Variants in PAPPA2 observed in about 807,000 individuals in gnomAD.
PAPPA2 encodes the protein pappalysin-2.
PAPPA2 carries 86 observed loss-of-function variants against 176.4 expected under a neutral mutation model. That is an observed-to-expected ratio of 0.49 (90% CI 0.41 to 0.58). PAPPA2 has a LOEUF of 0.58. Among genes scored for constraint, PAPPA2 ranks in the 20% least tolerant of loss-of-function variants. The pLI is 0.00. For missense variants in PAPPA2, 2,073 were observed against 2,256.9 expected (o/e 0.92, Z 1.65); for synonymous variants, 809 against 852.2 (o/e 0.95, Z 0.88).
intron 15 of PAPPA2, 117 bp from the exon 16 acceptor site, chr1:176,769,490 A>T (rs1481309089): frequency 1.8e-6 from 2 of 1,108,322 alleles, no homozygotes; most frequent in African/African-American, 3.2e-5. Context: ...AAGGCAAAAT[A>T]ATTTGTCCCG....
intron 3 of PAPPA2, among the ~76,000 whole-genome samples, chr1:176,598,937 A>C (rs1390530525): frequency 6.6e-6 from 1 of 152,168 alleles, no homozygotes; most frequent in Non-Finnish European, 1.5e-5. Flanking sequence ...AAACATCCTC[A>C]AGCAAATTTC....
At chr1:176,798,723 A>T (rs943793904) in intron 20 of PAPPA2, among the ~76,000 whole-genome samples, 1 of 152,218 alleles carries the variant, frequency 6.6e-6, no homozygotes, top group Non-Finnish European at 1.5e-5. Flanking sequence ...CTTTTTCAGT[A>T]GGCTGAACAC....
intron 6 of PAPPA2, 96 bp downstream of exon 6, chr1:176,692,414 T>C: frequency 7.8e-7 from 1 of 1,284,176 alleles, no homozygotes; most frequent in Non-Finnish European, 1.1e-6. Context: ...AACTCCAATT[T>C]GGAAGTATAA....
intron 2 of PAPPA2, among the ~76,000 whole-genome samples, chr1:176,577,878 G>A (rs756403865): frequency 2.0e-5 from 3 of 152,010 alleles, no homozygotes; most frequent in Non-Finnish European, 4.4e-5. Flanking sequence ...AAACAAACTT[G>A]CACCACACAG....
At chr1:176,584,890 C>G (rs189348707) in intron 2 of PAPPA2, among the ~76,000 whole-genome samples, 1 of 151,970 alleles carries the variant, frequency 6.6e-6, no homozygotes, top group Non-Finnish European at 1.5e-5. Context: ...CCCAGCAGCA[C>G]GCCTGGCTAA....
At position 176,699,368 on chromosome 1, in the gene PAPPA2, C is replaced by T; in HGVS notation, c.3015C>T (p.Ile1005=). 6.2e-7 allele frequency: 1 copy of T among 1,614,132 alleles called. No individual in the cohort carries two copies. The highest frequency in any genetic ancestry group is 1.1e-5 in the South Asian group (1 of 91,086). The stretch of plus-strand genomic sequence containing the variant: ...GCCCCTTAGACACTTTCTGTGACAT[C>T]CCACTCACCATCAAACTGCACGTGG... ...HLGPLDTFCD[I]PLTIKLHVDG... Residue 1005 remains isoleucine (I), a synonymous_variant, in exon 8 of 23, where the codon ATC becomes ATT. Transcript: ENST00000367662.
chr1:176,824,409 G>T (rs888274780), intron 21 of PAPPA2, among the ~76,000 whole-genome samples: 6 of 152,158 alleles, frequency 3.9e-5, no homozygotes, highest in African/African-American at 1.4e-4. Flanking sequence ...ATTCACATTT[G>T]GCTAAGTGAT....
intron 4 of PAPPA2, among the ~76,000 whole-genome samples, chr1:176,677,571 C>T (rs907382500): frequency 6.6e-6 from 1 of 152,134 alleles, no homozygotes; most frequent in African/African-American, 2.4e-5. Flanking sequence ...TAAACAATGC[C>T]TGAATTGAAA....
intron 1 of PAPPA2, among the ~76,000 whole-genome samples, chr1:176,485,347 C>T (rs1459736428): frequency 6.6e-6 from 1 of 152,084 alleles, no homozygotes; most frequent in Non-Finnish European, 1.5e-5. Context: ...TGTGTCACTC[C>T]ATTCTAGCCA....
intron 3 of PAPPA2, among the ~76,000 whole-genome samples, chr1:176,638,921 T>TGTGTGC (rs1656889823): frequency 6.7e-6 from 1 of 148,772 alleles, no homozygotes; most frequent in Non-Finnish European, 1.5e-5. Flanking sequence ...GTGGTGTGTG[T>TGTGTGC]GTGTGCATGT....
At chr1:176,671,164 G>A (rs1482304200) in intron 4 of PAPPA2, 49 bp downstream of exon 4, 1 of 1,598,478 alleles carries the variant, frequency 6.3e-7, no homozygotes. Flanking sequence ...AAAGAAGGCT[G>A]AAGGAAGCTT....
At chr1:176,506,666 G>A (rs1466757046) in intron 1 of PAPPA2, among the ~76,000 whole-genome samples, 2 of 152,048 alleles carry the variant, frequency 1.3e-5, no homozygotes, top group African/African-American at 4.8e-5. Context: ...CACTATTGGT[G>A]TATAGAAATG....
At chr1:176,745,952 G>A (rs548357336) in intron 14 of PAPPA2, among the ~76,000 whole-genome samples, 1 of 152,302 alleles carries the variant, frequency 6.6e-6, no homozygotes, top group East Asian at 1.9e-4. Flanking sequence ...TCCCCACTGG[G>A]CACTAATGAA....
At chr1:176,502,679 T>C (rs1313386674) in intron 1 of PAPPA2, among the ~76,000 whole-genome samples, 1 of 152,212 alleles carries the variant, frequency 6.6e-6, no homozygotes, top group Admixed American at 6.5e-5. Flanking sequence ...GTAAGTGCTA[T>C]GGAAGGTGTG....
intron 1 of PAPPA2, among the ~76,000 whole-genome samples, chr1:176,507,589 A>G (rs949960293): frequency 3.0e-4 from 45 of 152,344 alleles, no homozygotes; most frequent in Non-Finnish European, 4.9e-4. Flanking sequence ...TACATCATGG[A>G]ATACTACACA....
At chr1:176,531,219 A>G (rs540060376) in intron 1 of PAPPA2, among the ~76,000 whole-genome samples, 19 of 152,206 alleles carry the variant, frequency 1.2e-4, no homozygotes, top group Non-Finnish European at 2.1e-4. Context: ...GCCTGTTTCC[A>G]GTAGCTCTTC....
At position 176,790,312 on chromosome 1, in the gene PAPPA2, T is replaced by C. The variant is rs564409711; in HGVS notation, c.4884+335T>C. ...AAGTTGGCTACAAATACTAGTATTA[T>C]TATTTTTCTAAAACAGAGTCCTGAA... On this transcript the variant is annotated intron_variant, in intron 18 of 22. Coordinates refer to ENST00000367662, the MANE Select transcript of PAPPA2 (RefSeq NM_020318.3). Among the ~76,000 whole-genome samples, 237 of 152,278 alleles carry C rather than the reference T, an allele frequency of 1.6e-3. 1 individual carries two copies. Among genetic ancestry groups the C allele is most frequent in the Non-Finnish European group, 2.7e-3 (186 of 68,014 alleles).
chr1:176,580,248 A>G (rs2102627056), intron 2 of PAPPA2, among the ~76,000 whole-genome samples: 1 of 152,354 alleles, frequency 6.6e-6, no homozygotes, highest in East Asian at 1.9e-4. Flanking sequence ...CATATGAATG[A>G]GAACATGAAA....
chr1:176,610,345 G>C lies in PAPPA2; in HGVS notation c.1991+14750G>C, dbSNP rs557442341. On this transcript the variant is annotated intron_variant, in intron 3 of 22. Transcript: ENST00000367662. The stretch of plus-strand genomic sequence containing the variant: ...GAATTAATGCTGCAAAGTTGTGTGT[G>C]GGGGGGGGGAGTAGGATTTATAGGA... Among the ~76,000 whole-genome samples, 4 of 28,492 alleles carry C rather than the reference G, an allele frequency of 1.4e-4. No individual in the cohort carries two copies. In the African/African-American group the frequency reaches 4.5e-3, roughly 32 times the overall value. The allele number at this position is 28,492 out of a possible 152,430, so 18.7% of individuals were successfully genotyped here.
Sources: allele counts gnomAD v4.1 joint callset (sites outside exome capture counted in the v4.1 genomes callset), GRCh38; gene constraint gnomAD v4.1.1; transcripts MANE v1.5; gene names NCBI Gene and HGNC (gene_info 2026-07-23, HGNC 2026-07-21).